Variants in NRXN3 observed in about 807,000 individuals in gnomAD.
The protein encoded by NRXN3 is neurexin III.
A neutral mutation model predicts 137.6 loss-of-function variants in NRXN3; 32 were observed. That is an observed-to-expected ratio of 0.23 (90% CI 0.18 to 0.31). The LOEUF (loss-of-function observed/expected upper bound fraction) is 0.31, where lower values mean the gene tolerates loss of function less well. Among genes scored for constraint, NRXN3 ranks in the 10% least tolerant of loss-of-function variants. The pLI is 1.00. For missense variants in NRXN3, 1,574 were observed against 2,062.5 expected (o/e 0.76, Z 4.59); for synonymous variants, 798 against 784.5 (o/e 1.02, Z -0.29).
chr14:78,451,364 G>A (rs911257879), intron 4 of NRXN3, among the ~76,000 whole-genome samples: 1 of 152,220 alleles, frequency 6.6e-6, no homozygotes, highest in Admixed American at 6.5e-5. Flanking sequence ...TTTCAGTATT[G>A]TTGCAAGAGT....
intron 15 of NRXN3, among the ~76,000 whole-genome samples, chr14:79,349,545 TACACACAC>T (rs71131694): frequency 0.32 from 44,018 of 137,506 alleles, 7,294 homozygotes; most frequent in Admixed American, 0.45. Context: ...GAAAAAAAAA[TACACACAC>T]ACACACACAC....
chr14:78,313,031 T>C (rs1272057010), intron 4 of NRXN3, among the ~76,000 whole-genome samples: 1 of 152,208 alleles, frequency 6.6e-6, no homozygotes, highest in Non-Finnish European at 1.5e-5. Context: ...AATCAGCTAC[T>C]GTAGAAATAA....
chr14:78,462,871 A>C (rs772994557), intron 4 of NRXN3, among the ~76,000 whole-genome samples: 1 of 152,188 alleles, frequency 6.6e-6, no homozygotes, highest in Non-Finnish European at 1.5e-5. Flanking sequence ...CAATGGCAGG[A>C]ATTGGGTACA....
chr14:79,094,781 C>G (rs2049920427), intron 15 of NRXN3, among the ~76,000 whole-genome samples: 5 of 151,996 alleles, frequency 3.3e-5, no homozygotes, highest in Admixed American at 2.6e-4. Context: ...CTCTTAGACT[C>G]CAGCAAGCCT....
chr14:78,822,331 C>G (rs578099605), intron 10 of NRXN3, among the ~76,000 whole-genome samples: 2 of 152,098 alleles, frequency 1.3e-5, no homozygotes, highest in African/African-American at 4.8e-5. Context: ...TTAATCTTCA[C>G]CACAATCTTA....
intron 10 of NRXN3, among the ~76,000 whole-genome samples, chr14:78,905,679 G>A (rs1298612412): frequency 2.6e-5 from 4 of 151,752 alleles, no homozygotes; most frequent in African/African-American, 9.7e-5. Flanking sequence ...ATCTTGGTAA[G>A]GTAAAATGTA....
At chr14:79,704,202 T>C (rs1269956879) in intron 19 of NRXN3, among the ~76,000 whole-genome samples, 1 of 152,098 alleles carries the variant, frequency 6.6e-6, no homozygotes, top group African/African-American at 2.4e-5. Flanking sequence ...TCAAAATGGT[T>C]AAATATTAGC....
At position 78,446,546 on chromosome 14, in the gene NRXN3, A is replaced by G. The variant is rs545027293; in HGVS notation, c.757+148686A>G. On this transcript the variant is annotated intron_variant, in intron 4 of 20. Transcript: ENST00000335750. ...TTAAGTGTCTAGGCCAGGACCTGGC[A>G]CAAAGTAAGAACTTAGTAGACATTA... 2.6e-5 allele frequency among the ~76,000 whole-genome samples: 4 copies of G among 152,322 alleles called. No homozygotes were observed. In the South Asian group the frequency reaches 8.3e-4, roughly 32 times the overall value.
intron 16 of NRXN3, among the ~76,000 whole-genome samples, chr14:79,532,498 A>T (rs978508682): frequency 1.1e-4 from 17 of 152,180 alleles, no homozygotes; most frequent in African/African-American, 3.9e-4. Context: ...GGGCTGAGAT[A>T]ACAGGCCCCT....
chr14:78,785,545 T>G (rs2098786551), intron 8 of NRXN3, among the ~76,000 whole-genome samples: 1 of 152,208 alleles, frequency 6.6e-6, no homozygotes, highest in Non-Finnish European at 1.5e-5. Context: ...GCTGGTAATA[T>G]AATTTACAAT....
chr14:79,248,363 C>A (rs2075487105), intron 15 of NRXN3, among the ~76,000 whole-genome samples: 1 of 152,146 alleles, frequency 6.6e-6, no homozygotes, highest in East Asian at 1.9e-4. Flanking sequence ...AGGACTTTGC[C>A]CATGCTGGGT....
intron 10 of NRXN3, among the ~76,000 whole-genome samples, chr14:78,915,822 T>A (rs1158027301): frequency 6.6e-6 from 1 of 152,036 alleles, no homozygotes; most frequent in Non-Finnish European, 1.5e-5. Context: ...AGAACTTAGA[T>A]GATACACCTT....
intron 15 of NRXN3, among the ~76,000 whole-genome samples, chr14:79,376,265 T>C (rs201875195): frequency 0.37 from 26,841 of 72,092 alleles, 3,951 homozygotes; most frequent in African/African-American, 0.44. Context: ...TATATATATA[T>C]ACACATACAT....
chr14:78,618,859 C>T (rs1244596013), intron 4 of NRXN3, among the ~76,000 whole-genome samples: 2 of 152,058 alleles, frequency 1.3e-5, no homozygotes, highest in Non-Finnish European at 2.9e-5. Context: ...TTTTTGTGCT[C>T]CAAATAAAAG....
At chr14:78,831,756 TAATA>T (rs887628710) in intron 10 of NRXN3, among the ~76,000 whole-genome samples, 1 of 152,096 alleles carries the variant, frequency 6.6e-6, no homozygotes, top group African/African-American at 2.4e-5. Context: ...CAGTTTTTTT[TAATA>T]AATAGTGGGA....
intron 15 of NRXN3, among the ~76,000 whole-genome samples, chr14:79,427,844 A>C (rs1253159616): frequency 6.6e-6 from 1 of 152,004 alleles, no homozygotes; most frequent in East Asian, 1.9e-4. Flanking sequence ...AAAAAAAAAA[A>C]AAATTAAAAA....
chr14:79,575,167 C>T (rs1449414299), intron 16 of NRXN3, among the ~76,000 whole-genome samples: 1 of 152,146 alleles, frequency 6.6e-6, no homozygotes, highest in Non-Finnish European at 1.5e-5. Context: ...GCGGAAAACA[C>T]CATCAATCAT....
chr14:79,720,008 G>A (rs780989269), intron 19 of NRXN3, among the ~76,000 whole-genome samples: 12 of 151,992 alleles, frequency 7.9e-5, no homozygotes, highest in African/African-American at 1.5e-4. Context: ...TCAAGACTAA[G>A]TTGAAATATA....
intron 15 of NRXN3, among the ~76,000 whole-genome samples, chr14:79,341,366 C>T (rs1031168208): frequency 2.0e-5 from 3 of 152,128 alleles, no homozygotes; most frequent in Admixed American, 2.0e-4. Flanking sequence ...AACTGTAAGA[C>T]CTTTCGCTGC....
Sources: allele counts gnomAD v4.1 joint callset (sites outside exome capture counted in the v4.1 genomes callset), GRCh38; gene constraint gnomAD v4.1.1; transcripts MANE v1.5; gene names NCBI Gene and HGNC (gene_info 2026-07-23, HGNC 2026-07-21).